The following HSD17B4 variants were observed in gnomAD, a reference collection of about 807,000 sequenced individuals.
HSD17B4 encodes the protein hydroxysteroid 17-beta dehydrogenase 4.
A neutral mutation model predicts 101.0 loss-of-function variants in HSD17B4; 70 were observed. That is an observed-to-expected ratio of 0.69 (90% confidence interval 0.57 to 0.85). The LOEUF (loss-of-function observed/expected upper bound fraction) is 0.85. Ranked by LOEUF, HSD17B4 falls within the 40% of genes least tolerant of loss-of-function variation. The pLI is 0.00. For synonymous variants in HSD17B4, 347 were observed against 297.1 expected (o/e 1.17, Z -1.73); for missense variants, 984 against 892.4 (o/e 1.10, Z -1.31).
intron 6 of HSD17B4, chr5:119,476,554 C>G (rs756144990): frequency 1.1e-5 from 11 of 985,086 alleles, no homozygotes. Flanking sequence ...TAGTGCCTGA[C>G]TGTCTTTTGG....
chr5:119,496,073 G>T (rs750057317), intron 11 of HSD17B4, among the ~76,000 whole-genome samples: 2 of 152,198 alleles, frequency 1.3e-5, no homozygotes. Flanking sequence ...AGAATTTTTG[G>T]TACTATCTTC....
chr5:119,521,147 C>A (rs1334924619), intron 17 of HSD17B4, among the ~76,000 whole-genome samples: 1 of 152,122 alleles, frequency 6.6e-6, no homozygotes, highest in East Asian at 1.9e-4. Context: ...AAACTATTTA[C>A]CCTAGATACT....
chr5:119,494,321 TTTCTTTTCTTTC>T (rs1222866817), intron 11 of HSD17B4, among the ~76,000 whole-genome samples: 176 of 146,716 alleles, frequency 1.2e-3, no homozygotes, highest in Non-Finnish European at 1.3e-3. Context: ...CCTTTCTTTC[TTTCTTTTCTTTC>T]TTTCTTTCTT....
chr5:119,469,881 C>T (rs574241610), intron 2 of HSD17B4, among the ~76,000 whole-genome samples: 6 of 152,196 alleles, frequency 3.9e-5, no homozygotes, highest in African/African-American at 7.2e-5. Context: ...CCTCAGTGGC[C>T]TTGACTTTGG....
chr5:119,461,791 A>C (rs1030544011), intron 2 of HSD17B4, among the ~76,000 whole-genome samples: 1 of 151,594 alleles, frequency 6.6e-6, no homozygotes, highest in Non-Finnish European at 1.5e-5. Context: ...AGGCTGAGGC[A>C]GGAGGATGGT....
intron 19 of HSD17B4, among the ~76,000 whole-genome samples, chr5:119,526,244 T>C (rs1753584382): frequency 6.6e-6 from 1 of 151,552 alleles, no homozygotes; most frequent in Non-Finnish European, 1.5e-5. Context: ...TTTTGACAGA[T>C]TAACTGGGTT....
At chr5:119,526,982 A>G (rs763673669) in intron 19 of HSD17B4, 151 bp from the exon 20 acceptor site, 4 of 616,864 alleles carry the variant, frequency 6.5e-6, no homozygotes, top group Non-Finnish European at 1.2e-5. Context: ...ATTTTATCAT[A>G]TTATACTTAG....
At chr5:119,457,236 A>C (rs1050955717) in intron 2 of HSD17B4, among the ~76,000 whole-genome samples, 1 of 152,232 alleles carries the variant, frequency 6.6e-6, no homozygotes, top group African/African-American at 2.4e-5. Context: ...CCCAGTACTT[A>C]TTAGCATATT....
At chr5:119,518,934 G>C (rs2126851346) in intron 17 of HSD17B4, among the ~76,000 whole-genome samples, 1 of 152,096 alleles carries the variant, frequency 6.6e-6, no homozygotes, top group South Asian at 2.1e-4. Context: ...AGGAGTTTGA[G>C]ACCAGCCTGG....
intron 2 of HSD17B4, among the ~76,000 whole-genome samples, chr5:119,470,941 C>G (rs1186383593): frequency 6.6e-6 from 1 of 152,074 alleles, no homozygotes; most frequent in African/African-American, 2.4e-5. Flanking sequence ...TAAATTTACC[C>G]CAATATTATT....
chr5:119,474,956 TCC>T (rs1739143281), intron 4 of HSD17B4, among the ~76,000 whole-genome samples: 4 of 152,132 alleles, frequency 2.6e-5, no homozygotes, highest in Admixed American at 2.0e-4. Flanking sequence ...CCCAGTTTAG[TCC>T]CACACACTCT....
chr5:119,476,195 C>T (rs997399878), intron 6 of HSD17B4, among the ~76,000 whole-genome samples: 5 of 152,154 alleles, frequency 3.3e-5, no homozygotes, highest in East Asian at 1.9e-4. Context: ...CAGCCTTTAA[C>T]GTGCTTATCC....
chr5:119,514,079 T>C (rs1752402038), intron 16 of HSD17B4, among the ~76,000 whole-genome samples: 1 of 152,172 alleles, frequency 6.6e-6, no homozygotes, highest in Non-Finnish European at 1.5e-5. Flanking sequence ...AAAATGAATT[T>C]GTAAATAAAA....
At chr5:119,505,829 T>C (rs1751595355) in intron 14 of HSD17B4, among the ~76,000 whole-genome samples, 5 of 152,062 alleles carry the variant, frequency 3.3e-5, no homozygotes, top group Admixed American at 2.6e-4. Flanking sequence ...GTAAACAGTA[T>C]TGGTTGTATG....
intron 23 of HSD17B4, among the ~76,000 whole-genome samples, chr5:119,537,025 C>T (rs753054694): frequency 1.1e-4 from 17 of 151,910 alleles, no homozygotes; most frequent in Non-Finnish European, 2.5e-4. Flanking sequence ...TTGACCAATC[C>T]ACAAATATAC....
At chr5:119,498,874 C>A (rs1750890634) in intron 12 of HSD17B4, among the ~76,000 whole-genome samples, 1 of 152,118 alleles carries the variant, frequency 6.6e-6, no homozygotes, top group African/African-American at 2.4e-5. Context: ...AGCGAGACTC[C>A]ATCTCAAAAC....
rs422297 is a variant in HSD17B4, at chr5:119,496,231, A to C, written c.869-312A>C. Among the ~76,000 whole-genome samples the C allele has an allele frequency of 0.6, 90,611 of 152,036 alleles. 27,418 individuals are homozygous for C. The highest frequency in any genetic ancestry group is 0.92 in the East Asian group (4,764 of 5,166). ...TTGCATGTCTATAGACAAGTATTTC[A>C]CTTTAAAGGTTGTAAAATAGCTTAA... On this transcript the variant is annotated intron_variant, in intron 11 of 23. Transcript: ENST00000510025.
intron 2 of HSD17B4, among the ~76,000 whole-genome samples, chr5:119,467,054 G>A (rs13171550): frequency 9.3e-4 from 141 of 152,266 alleles, no homozygotes; most frequent in Non-Finnish European, 1.7e-3. Context: ...TCAGGAATAT[G>A]TTGTTTAGTT....
At chr5:119,517,245 C>G (rs1470383768) in intron 17 of HSD17B4, among the ~76,000 whole-genome samples, 2 of 152,218 alleles carry the variant, frequency 1.3e-5, no homozygotes, top group African/African-American at 4.8e-5. Context: ...GGCTTAGCAC[C>G]CAGGCCAGCG....
Sources: gnomAD v4.1 joint callset for allele counts (sites outside exome capture counted in the v4.1 genomes callset) on GRCh38, gnomAD v4.1.1 for gene constraint, MANE v1.5 for transcripts, NCBI Gene and HGNC (gene_info 2026-07-23, HGNC 2026-07-21) for gene names.